Variants in PDE4DIP observed in about 807,000 individuals in gnomAD.
PDE4DIP encodes the protein phosphodiesterase 4D interacting protein.
Under a neutral mutation model 221.4 loss-of-function variants are expected in PDE4DIP, and 59 were observed. The observed-to-expected ratio is 0.27, with a 90% CI of 0.22 to 0.33. The LOEUF is 0.33. Ranked by LOEUF, PDE4DIP falls within the 10% of genes least tolerant of loss-of-function variation. PDE4DIP has a pLI of 1.00. For synonymous variants in PDE4DIP, 404 were observed against 815.9 expected, an observed-to-expected ratio of 0.50 and a Z score of 8.60; for missense variants, 1,036 against 2,154.2, an observed-to-expected ratio of 0.48 and a Z score of 10.28.
chr1:148,989,771 G>A (rs1453154638), intron 21 of PDE4DIP, among the ~76,000 whole-genome samples: 1 of 152,188 alleles, frequency 6.6e-6, no homozygotes, highest in Non-Finnish European at 1.5e-5. Context: ...ATAAAAGATT[G>A]TGATCGCTAC....
chr1:148,947,907 A>G (rs1366168637), intron 5 of PDE4DIP, among the ~76,000 whole-genome samples: 1 of 151,378 alleles, frequency 6.6e-6, no homozygotes, highest in African/African-American at 2.4e-5. Flanking sequence ...CAGCATCAAC[A>G]TGATCTGGGA....
At chr1:149,029,485 C>G (rs1280927137) in intron 41 of PDE4DIP, among the ~76,000 whole-genome samples, 1 of 152,160 alleles carries the variant, frequency 6.6e-6, no homozygotes, top group African/African-American at 2.4e-5. Context: ...GATATCAGGA[C>G]TAAAGCAAGG....
At chr1:148,950,938 TATGTAGGCAGGGCCCC>T (rs1181715079) in intron 5 of PDE4DIP, among the ~76,000 whole-genome samples, 1 of 147,104 alleles carries the variant, frequency 6.8e-6, no homozygotes, top group Admixed American at 6.8e-5. Context: ...AATACAATCT[TATGTAGGCAGGGCCCC>T]ATAATGTTTT....
intron 19 of PDE4DIP, among the ~76,000 whole-genome samples, chr1:148,979,026 T>C (rs1553540060): frequency 6.8e-6 from 1 of 146,182 alleles, no homozygotes; most frequent in South Asian, 2.2e-4. Flanking sequence ...TGTTCAGATC[T>C]CTCCCAGTTA....
Position 148,962,416 on chromosome 1 carries a change from C to G in PDE4DIP, c.982-12C>G. The stretch of plus-strand genomic sequence containing the variant: ...GCCCTCCTTGTGATTGTGATTTCTA[C>G]TCTCTTTTCAGAGCTCAGAGGGTAC... On this transcript the variant is annotated splice_polypyrimidine_tract_variant and intron_variant, in intron 8 of 43. Transcript: ENST00000369354. The G allele has an allele frequency of 1.2e-6, 1 of 827,782 alleles. No homozygotes were observed. The highest frequency in any genetic ancestry group is 2.4e-5 in the East Asian group (1 of 41,092). The allele number at this position is 827,782 out of a possible 1,614,324, so 51.3% of individuals were successfully genotyped here.
intron 43 of PDE4DIP, among the ~76,000 whole-genome samples, chr1:149,031,496 C>A (rs1224984102): frequency 6.6e-6 from 1 of 152,048 alleles, no homozygotes; most frequent in Admixed American, 6.6e-5. Context: ...CCCCTCCACA[C>A]CCTCATTATG....
At position 148,988,084 on chromosome 1, in the gene PDE4DIP, CAA is replaced by C. The variant is rs1559166628; in HGVS notation, c.2816-3799_2816-3798del. ...TTTCAATGTCCTGTGAGGCAGAGAG[CAA>C]AGAGTGTCATTTCAAGCCTCCTGCT... On this transcript the variant is annotated intron_variant, in intron 21 of 43. Transcript: ENST00000369354. Among the ~76,000 whole-genome samples, 3 of 152,252 alleles carry C rather than the reference CAA, an allele frequency of 2.0e-5. No individual in the cohort carries two copies. In the South Asian group the frequency reaches 6.2e-4, roughly 32 times the overall value.
chr1:148,991,804 G>A, intron 21 of PDE4DIP, 81 bp from the exon 25 acceptor site: 1 of 646,288 alleles, frequency 1.5e-6, no homozygotes, highest in Non-Finnish European at 2.7e-6. Context: ...AGAGTCAGCG[G>A]GCAAAAAGAG....
intron 19 of PDE4DIP, among the ~76,000 whole-genome samples, chr1:148,978,656 C>T (rs1553539844): frequency 6.6e-6 from 1 of 151,988 alleles, no homozygotes; most frequent in African/African-American, 2.4e-5. Context: ...GATCACAGCT[C>T]ACTGCAGCCT....
chr1:148,919,421 A>G (rs1173784622), intron 1 of PDE4DIP, among the ~76,000 whole-genome samples: 3 of 151,070 alleles, frequency 2.0e-5, no homozygotes, highest in Non-Finnish European at 4.4e-5. Flanking sequence ...ATACTTATGA[A>G]TGGAGAGAAA....
chr1:149,023,818 G>A (rs2074124597), intron 37 of PDE4DIP, among the ~76,000 whole-genome samples: 1 of 143,596 alleles, frequency 7.0e-6, no homozygotes, highest in Non-Finnish European at 1.5e-5. Context: ...ACATATATAT[G>A]TACATGTATA....
chr1:148,927,723 C>T (rs1282779223), intron 1 of PDE4DIP, among the ~76,000 whole-genome samples: 17 of 151,736 alleles, frequency 1.1e-4, no homozygotes, highest in African/African-American at 3.9e-4. Flanking sequence ...AAATAACATT[C>T]TTCTTGCCTA....
intron 17 of PDE4DIP, among the ~76,000 whole-genome samples, chr1:148,977,217 G>A (rs1252472798): frequency 6.2e-5 from 1 of 16,036 alleles, no homozygotes; most frequent in Non-Finnish European, 1.3e-4. Flanking sequence ...CGCTCGGCTA[G>A]TTTTTGTATT....
exon 34 of PDE4DIP, chr1:149,017,853 G>T: frequency 1.9e-6 from 3 of 1,613,556 alleles, no homozygotes; most frequent in South Asian, 1.1e-5. Context: ...CTGGAACACC[G>T]GCTGACCTCT....
exon 18 of PDE4DIP, chr1:148,978,001 C>T (rs1399035639): frequency 2.5e-6 from 4 of 1,614,168 alleles, no homozygotes; most frequent in Non-Finnish European, 3.4e-6. Flanking sequence ...GTGCAGGCTG[C>T]TGATATGGAG....
At chr1:148,913,578 T>C (rs1553455911) in intron 1 of PDE4DIP, among the ~76,000 whole-genome samples, 3 of 146,258 alleles carry the variant, frequency 2.1e-5, no homozygotes, top group Non-Finnish European at 4.6e-5. Flanking sequence ...ATAAATCTGG[T>C]TACAGTATTG....
intron 21 of PDE4DIP, chr1:148,990,510 G>A (rs1401252527): frequency 1.2e-5 from 3 of 242,522 alleles, no homozygotes; most frequent in Non-Finnish European, 2.0e-5. Context: ...CAAAGATAAA[G>A]ATCAGATTTG....
At chr1:148,824,411 C>G (rs1332365521) in intron 1 of PDE4DIP, among the ~76,000 whole-genome samples, 1 of 147,072 alleles carries the variant, frequency 6.8e-6, no homozygotes, top group Admixed American at 6.8e-5. Context: ...GTTGTTTTTG[C>G]TTTTTAAAAA....
chr1:149,015,093 C>G (rs1193531570), intron 32 of PDE4DIP, among the ~76,000 whole-genome samples: 2 of 152,040 alleles, frequency 1.3e-5, no homozygotes, highest in East Asian at 3.8e-4. Context: ...ACTAAGTGAT[C>G]CTAATGAACA....
Sources: gnomAD v4.1 joint callset for allele counts (sites outside exome capture counted in the v4.1 genomes callset) on GRCh38, gnomAD v4.1.1 for gene constraint, MANE v1.5 for transcripts, NCBI Gene and HGNC (gene_info 2026-07-23, HGNC 2026-07-21) for gene names.